Variants in PCCB observed in about 807,000 individuals in gnomAD.
PCCB encodes the protein propionyl-CoA carboxylase subunit beta.
In PCCB, 43 loss-of-function variants were observed where a neutral mutation model predicts 60.7. The ratio of observed to expected loss-of-function variants is 0.71; its 90% CI spans 0.55 to 0.91. The LOEUF (loss-of-function observed/expected upper bound fraction) is 0.91. Ranked by LOEUF, PCCB falls within the 40% of genes least tolerant of loss-of-function variation. PCCB has a pLI of 0.00. For missense variants in PCCB, 766 were observed against 702.8 expected (o/e 1.09, Z -1.02); for synonymous variants, 276 against 255.9 (o/e 1.08, Z -0.75).
At chr3:136,259,619 T>C (rs1050109724) in intron 3 of PCCB, among the ~76,000 whole-genome samples, 2 of 152,268 alleles carry the variant, frequency 1.3e-5, no homozygotes, top group Admixed American at 1.3e-4. Context: ...CAAATCATTT[T>C]TGTAGAGCAA....
chr3:136,277,140 AG>A (rs1942348520), intron 5 of PCCB, among the ~76,000 whole-genome samples: 3 of 152,124 alleles, frequency 2.0e-5, no homozygotes, highest in Non-Finnish European at 4.4e-5. Context: ...AGACTCTTTG[AG>A]GTTCCTTGGT....
rs560540882 is a variant in PCCB at position 136,283,744 on chromosome 3, G to A, written c.544-93G>A. ...TGTATAGAATTTCTGTGGGAAAAAA[G>A]CCAAATGTTATCTTATTGTTGTCTT... is the stretch of plus-strand genomic sequence containing the variant. On this transcript the variant is annotated intron_variant, in intron 5 of 14. Transcript: ENST00000251654. 91 of 913,776 alleles carry A rather than the reference G, an allele frequency of 1.0e-4. No individual in the cohort carries two copies. The East Asian group carries it at 2.2e-3, about 22-fold the overall frequency. 56.6% of individuals were successfully genotyped at this position (913,776 alleles called of 1,614,324 possible).
chr3:136,264,841 C>T (rs1212756558), intron 5 of PCCB, among the ~76,000 whole-genome samples: 1 of 137,580 alleles, frequency 7.3e-6, no homozygotes, highest in Non-Finnish European at 1.5e-5. Flanking sequence ...CGCCACCGCG[C>T]TCTAGCCTGG....
At chr3:136,316,285 G>A (rs934032377) in intron 9 of PCCB, among the ~76,000 whole-genome samples, 1 of 151,624 alleles carries the variant, frequency 6.6e-6, no homozygotes, top group African/African-American at 2.4e-5. Flanking sequence ...TCGGGGTGAA[G>A]GGTATATGTA....
chr3:136,327,046 C>A, intron 11 of PCCB, 109 bp from the exon 12 acceptor site: 1 of 1,160,346 alleles, frequency 8.6e-7, no homozygotes, highest in Non-Finnish European at 1.3e-6. Context: ...GAAGATAGGG[C>A]TGTGTAAGGA....
intron 5 of PCCB, among the ~76,000 whole-genome samples, chr3:136,271,391 G>A (rs138633412): frequency 2.4e-4 from 37 of 152,262 alleles, no homozygotes; most frequent in Non-Finnish European, 5.1e-4. Flanking sequence ...GAAAAATGAT[G>A]ATGGTAATGG....
chr3:136,277,535 G>A (rs1942361903), intron 5 of PCCB, among the ~76,000 whole-genome samples: 1 of 151,974 alleles, frequency 6.6e-6, no homozygotes, highest in African/African-American at 2.4e-5. Flanking sequence ...GTACAGCCAG[G>A]TGGGGGCTGG....
intron 9 of PCCB, among the ~76,000 whole-genome samples, chr3:136,313,563 G>A (rs1002022310): frequency 2.0e-5 from 3 of 152,114 alleles, no homozygotes; most frequent in African/African-American, 7.2e-5. Flanking sequence ...AAAATAATGA[G>A]ATTAATAACA....
At chr3:136,277,718 C>G (rs1209138889) in intron 5 of PCCB, among the ~76,000 whole-genome samples, 1 of 152,170 alleles carries the variant, frequency 6.6e-6, no homozygotes, top group Admixed American at 6.5e-5. Context: ...GGCACTAAGC[C>G]TCACCCAGAT....
intron 8 of PCCB, among the ~76,000 whole-genome samples, chr3:136,299,881 T>C (rs140363908): frequency 1.9e-3 from 291 of 152,108 alleles, no homozygotes; most frequent in Non-Finnish European, 3.8e-3. Context: ...CATGCATGTG[T>C]ATGTACGTAT....
intron 14 of PCCB, 34 bp from the exon 15 acceptor site, chr3:136,329,871 C>G (rs745384937): frequency 1.2e-6 from 2 of 1,612,028 alleles, no homozygotes; most frequent in African/African-American, 2.7e-5. Flanking sequence ...TCTCGGGATG[C>G]AGATGATCCA....
intron 5 of PCCB, among the ~76,000 whole-genome samples, chr3:136,268,761 G>A (rs1170117818): frequency 2.6e-5 from 4 of 152,056 alleles, no homozygotes; most frequent in African/African-American, 9.7e-5. Context: ...ACCGCACCCA[G>A]CCCGATCAGC....
intron 9 of PCCB, among the ~76,000 whole-genome samples, chr3:136,310,560 A>G (rs1015357145): frequency 1.3e-5 from 2 of 152,200 alleles, no homozygotes; most frequent in Non-Finnish European, 2.9e-5. Context: ...TTCATGTGGA[A>G]TTTCTGAGAC....
intron 6 of PCCB, 122 bp downstream of exon 6, chr3:136,284,069 G>C: frequency 4.1e-6 from 3 of 726,444 alleles, no homozygotes; most frequent in Non-Finnish European, 2.5e-6. Context: ...TTTCAGCATA[G>C]TGATGATAAG....
chr3:136,258,336 G>A (rs187825521), intron 3 of PCCB, among the ~76,000 whole-genome samples: 258 of 152,252 alleles, frequency 1.7e-3, no homozygotes, highest in African/African-American at 5.8e-3. Flanking sequence ...GGCACAGAAC[G>A]GATGTAACTA....
chr3:136,258,739 C>T (rs139888491), intron 3 of PCCB, among the ~76,000 whole-genome samples: 269 of 152,198 alleles, frequency 1.8e-3, no homozygotes, highest in Non-Finnish European at 2.8e-3. Flanking sequence ...TGGTTAATTT[C>T]CTTTAGAGAA....
At chr3:136,268,314 G>C (rs114968564) in intron 5 of PCCB, among the ~76,000 whole-genome samples, 7,406 of 151,212 alleles carry the variant, frequency 0.049, 249 homozygotes, top group South Asian at 0.073. Context: ...TTGACACATT[G>C]ATAAAAATAT....
chr3:136,313,295 A>G (rs1022762623), intron 9 of PCCB, among the ~76,000 whole-genome samples: 2 of 152,208 alleles, frequency 1.3e-5, no homozygotes, highest in African/African-American at 4.8e-5. Flanking sequence ...TAATTGCGAG[A>G]TACTCTAAAT....
chr3:136,322,274 G>C (rs147397601), intron 10 of PCCB, among the ~76,000 whole-genome samples: 1 of 152,152 alleles, frequency 6.6e-6, no homozygotes, highest in Admixed American at 6.5e-5. Flanking sequence ...ATTGATTTTT[G>C]ACTGTTGAAC....
Sources: gnomAD v4.1 joint callset for allele counts (sites outside exome capture counted in the v4.1 genomes callset) on GRCh38, gnomAD v4.1.1 for gene constraint, MANE v1.5 for transcripts, NCBI Gene and HGNC (gene_info 2026-07-23, HGNC 2026-07-21) for gene names.